Variants in SMYD3 observed in about 807,000 individuals in gnomAD.
SMYD3 encodes SET and MYND domain containing 3, also known as histone-lysine N-methyltransferase SMYD3.
SMYD3 carries 36 observed loss-of-function variants against 57.7 expected under a neutral mutation model. That is an observed-to-expected ratio of 0.62 (90% CI 0.48 to 0.82). The LOEUF is 0.82. Ranked by LOEUF, SMYD3 falls within the 40% of genes least tolerant of loss-of-function variation. The pLI is 0.00. For missense variants in SMYD3, 515 were observed against 538.8 expected, an observed-to-expected ratio of 0.96 and a Z score of 0.44; for synonymous variants, 211 against 195.0, an observed-to-expected ratio of 1.08 and a Z score of -0.68.
intron 5 of SMYD3, among the ~76,000 whole-genome samples, chr1:245,962,072 T>C (rs1544150): frequency 0.6 from 91,623 of 151,950 alleles, 30,564 homozygotes; most frequent in East Asian, 0.95. Context: ...TCATACCACA[T>C]GACACAGCCT....
At chr1:246,155,730 G>A (rs1200259063) in intron 5 of SMYD3, among the ~76,000 whole-genome samples, 8 of 152,046 alleles carry the variant, frequency 5.3e-5, no homozygotes, top group African/African-American at 9.7e-5. Context: ...CTGTAATCCC[G>A]GCACTTTGGG....
At chr1:245,901,549 T>C (rs2054182530) in intron 8 of SMYD3, among the ~76,000 whole-genome samples, 1 of 152,186 alleles carries the variant, frequency 6.6e-6, no homozygotes, top group Non-Finnish European at 1.5e-5. Flanking sequence ...CTCAATCTAA[T>C]AATGTGCTGC....
intron 10 of SMYD3, among the ~76,000 whole-genome samples, chr1:245,799,114 G>A (rs2047731644): frequency 6.6e-6 from 1 of 152,230 alleles, no homozygotes; most frequent in Admixed American, 6.5e-5. Context: ...CTCCCAGAGA[G>A]GAATCAGAGC....
At chr1:246,204,105 G>A (rs1005459486) in intron 5 of SMYD3, among the ~76,000 whole-genome samples, 1 of 152,068 alleles carries the variant, frequency 6.6e-6, no homozygotes, top group Non-Finnish European at 1.5e-5. Flanking sequence ...AGAGAACCCA[G>A]AAATATATTT....
chr1:245,824,084 C>G (rs1186431767), intron 10 of SMYD3, among the ~76,000 whole-genome samples: 1 of 152,170 alleles, frequency 6.6e-6, no homozygotes, highest in Non-Finnish European at 1.5e-5. Flanking sequence ...GGCTTCTGCC[C>G]CCTTCAGTCA....
intron 10 of SMYD3, among the ~76,000 whole-genome samples, chr1:245,796,146 C>T (rs988933387): frequency 6.6e-6 from 1 of 152,178 alleles, no homozygotes; most frequent in African/African-American, 2.4e-5. Flanking sequence ...ATGTGAAAGA[C>T]AGCAGACTTC....
At chr1:246,176,715 G>A (rs2062441363) in intron 5 of SMYD3, among the ~76,000 whole-genome samples, 1 of 152,106 alleles carries the variant, frequency 6.6e-6, no homozygotes, top group South Asian at 2.1e-4. Flanking sequence ...CAGAGACAGG[G>A]TTTTGCCATG....
At position 246,471,104 on chromosome 1, in the gene SMYD3, C is replaced by T. The variant is rs570189534; in HGVS notation, c.164+35950G>A. Reference sequence around the variant, plus strand: ...AAAAGGCATGTAAGGGTTGTCTGTACTATTCTTCCAACTTTTCTGTAATTT... The same window carrying T: ...AAAAGGCATGTAAGGGTTGTCTGTATTATTCTTCCAACTTTTCTGTAATTT... On this transcript the variant is annotated intron_variant, in intron 1 of 11. Coordinates refer to ENST00000490107, the MANE Select transcript of SMYD3 (RefSeq NM_001167740.2). Among the ~76,000 whole-genome samples, 66 of 152,242 alleles carry T rather than the reference C, an allele frequency of 4.3e-4. 1 individual carries two copies. The highest frequency in any genetic ancestry group is 1.6e-3 in the African/African-American group (66 of 41,532).
chr1:246,170,411 C>CTTT (rs34758534), intron 5 of SMYD3, among the ~76,000 whole-genome samples: 2 of 141,280 alleles, frequency 1.4e-5, no homozygotes, highest in Non-Finnish European at 3.1e-5. Flanking sequence ...ACACTCATTA[C>CTTT]TTTTTTTTTT....
intron 1 of SMYD3, among the ~76,000 whole-genome samples, chr1:246,373,856 G>C (rs2066229245): frequency 6.6e-6 from 1 of 152,080 alleles, no homozygotes; most frequent in Non-Finnish European, 1.5e-5. Flanking sequence ...TGAAAATATA[G>C]ACATGGAGAA....
intron 5 of SMYD3, among the ~76,000 whole-genome samples, chr1:246,173,061 A>G (rs2062370116): frequency 6.6e-6 from 1 of 151,468 alleles, no homozygotes; most frequent in Admixed American, 6.6e-5. Context: ...CACTTAGGCT[A>G]CACAGGCCTA....
At chr1:246,060,582 A>ATTTTTTTTTTTTTTTTTTT (rs1558191811) in intron 5 of SMYD3, among the ~76,000 whole-genome samples, 2 of 152,174 alleles carry the variant, frequency 1.3e-5, no homozygotes, top group African/African-American at 4.8e-5. Flanking sequence ...CATTTTAATA[A>ATTTTTTTTTTTTTTTTTTT]ATTTTTATGA....
At chr1:245,901,477 T>G (rs2054177148) in intron 8 of SMYD3, among the ~76,000 whole-genome samples, 2 of 152,232 alleles carry the variant, frequency 1.3e-5, no homozygotes, top group South Asian at 4.1e-4. Flanking sequence ...AGTCCATTCA[T>G]TATCTTCATG....
intron 5 of SMYD3, among the ~76,000 whole-genome samples, chr1:245,960,618 T>C (rs964445651): frequency 1.3e-5 from 2 of 152,086 alleles, no homozygotes; most frequent in African/African-American, 4.8e-5. Flanking sequence ...TCCCAGCTAC[T>C]GAGGAGGCTG....
chr1:246,008,565 A>G (rs1347428604), intron 5 of SMYD3, among the ~76,000 whole-genome samples: 1 of 152,204 alleles, frequency 6.6e-6, no homozygotes, highest in East Asian at 1.9e-4. Flanking sequence ...AAAATTTTGA[A>G]AAATAAATAC....
intron 11 of SMYD3, among the ~76,000 whole-genome samples, chr1:245,761,290 G>A (rs960310815): frequency 1.3e-5 from 2 of 152,142 alleles, no homozygotes; most frequent in South Asian, 2.1e-4. Context: ...ACATGATTAC[G>A]AAGAGAAGCT....
intron 10 of SMYD3, among the ~76,000 whole-genome samples, chr1:245,766,415 A>C (rs2046106063): frequency 6.6e-6 from 1 of 151,716 alleles, no homozygotes; most frequent in Admixed American, 6.6e-5. Context: ...AAAAAAAAAA[A>C]AAAAAAAAGG....
chr1:245,772,320 C>A (rs1177173638), intron 10 of SMYD3, among the ~76,000 whole-genome samples: 4 of 152,162 alleles, frequency 2.6e-5, no homozygotes, highest in African/African-American at 9.7e-5. Context: ...TTCTACTTCT[C>A]TTAAAACCTT....
intron 5 of SMYD3, among the ~76,000 whole-genome samples, chr1:246,003,731 A>G (rs2059120426): frequency 6.6e-6 from 1 of 152,248 alleles, no homozygotes; most frequent in South Asian, 2.1e-4. Flanking sequence ...ATGAAGCATT[A>G]AATTTATTAT....
Sources: allele counts gnomAD v4.1 joint callset (sites outside exome capture counted in the v4.1 genomes callset), GRCh38; gene constraint gnomAD v4.1.1; transcripts MANE v1.5; gene names NCBI Gene and HGNC (gene_info 2026-07-23, HGNC 2026-07-21).